FYN: variants seen among roughly 807,000 people sequenced by gnomAD.
FYN encodes the protein tyrosine-protein kinase Fyn.
In FYN, 10 loss-of-function variants were observed where a neutral mutation model predicts 70.2. The ratio of observed to expected loss-of-function variants is 0.14; its 90% CI spans 0.09 to 0.24. The LOEUF is 0.24. Ranked by LOEUF, FYN falls within the 10% of genes least tolerant of loss-of-function variation. The probability of loss-of-function intolerance (pLI) is 1.00; values close to 1 mark genes in which losing one functional copy is unlikely to be tolerated. For synonymous variants in FYN, 236 were observed against 248.6 expected (o/e 0.95, Z 0.48); for missense variants, 319 against 673.1 (o/e 0.47, Z 5.82).
intron 1 of FYN, among the ~76,000 whole-genome samples, chr6:111,848,033 A>G (rs1389472314): frequency 1.3e-5 from 2 of 152,252 alleles, no homozygotes; most frequent in African/African-American, 4.8e-5. Context: ...GGATCTAGAC[A>G]CTGCTAAGCT....
At chr6:111,801,369 T>C (rs1183367318) in intron 2 of FYN, among the ~76,000 whole-genome samples, 1 of 152,226 alleles carries the variant, frequency 6.6e-6, no homozygotes, top group Non-Finnish European at 1.5e-5. Context: ...TACATTTTAT[T>C]TAGAATTAGG....
At chr6:111,813,527 C>CT (rs1772390734) in intron 2 of FYN, among the ~76,000 whole-genome samples, 1 of 152,186 alleles carries the variant, frequency 6.6e-6, no homozygotes, top group Non-Finnish European at 1.5e-5. Flanking sequence ...TGGCCTTCAA[C>CT]TTTCACTTTA....
At chr6:111,682,636 A>G (rs1286890979) in intron 12 of FYN, among the ~76,000 whole-genome samples, 2 of 152,204 alleles carry the variant, frequency 1.3e-5, no homozygotes, top group African/African-American at 4.8e-5. Flanking sequence ...GTGACAATGC[A>G]AAGTGGTCCG....
At chr6:111,731,423 T>C (rs1166050896) in intron 3 of FYN, among the ~76,000 whole-genome samples, 1 of 152,174 alleles carries the variant, frequency 6.6e-6, no homozygotes, top group Non-Finnish European at 1.5e-5. Context: ...CACAGCCCAA[T>C]CTAAATCTAC....
intron 3 of FYN, among the ~76,000 whole-genome samples, chr6:111,750,720 T>TC (rs1417328119): frequency 1.3e-5 from 2 of 150,292 alleles, no homozygotes; most frequent in Non-Finnish European, 3.0e-5. Flanking sequence ...TCATGTCATT[T>TC]TTTTTTTTTT....
intron 3 of FYN, among the ~76,000 whole-genome samples, chr6:111,773,617 A>AGAGGGGGAGGGAGG (rs1803580726): frequency 2.1e-5 from 1 of 47,450 alleles, no homozygotes; most frequent in African/African-American, 1.0e-4. Flanking sequence ...GGGGAGGGAG[A>AGAGGGGGAGGGAGG]GAGGGGGAAA....
intron 2 of FYN, among the ~76,000 whole-genome samples, chr6:111,807,868 G>A (rs1305292960): frequency 1.3e-5 from 2 of 152,144 alleles, no homozygotes; most frequent in East Asian, 3.9e-4. Context: ...CCAGCACTTT[G>A]GGAGGCCGAG....
intron 5 of FYN, 139 bp from the exon 6 acceptor site, chr6:111,708,159 T>G (rs1353801556): frequency 1.6e-6 from 1 of 639,616 alleles, no homozygotes; most frequent in Admixed American, 2.3e-5. Flanking sequence ...TACTCTGAAC[T>G]CCAACATAGT....
At chr6:111,678,900 G>A (rs879468866) in intron 12 of FYN, among the ~76,000 whole-genome samples, 7 of 152,116 alleles carry the variant, frequency 4.6e-5, no homozygotes, top group Non-Finnish European at 8.8e-5. Flanking sequence ...GCCCGTGTCA[G>A]GTCCATTACA....
chr6:111,750,859 C>T (rs775438806), intron 3 of FYN, among the ~76,000 whole-genome samples: 30 of 152,096 alleles, frequency 2.0e-4, no homozygotes, highest in Admixed American at 8.5e-4. Context: ...AGCAAAGTCA[C>T]AGAACAATGA....
At chr6:111,709,121 C>T (rs1178676003) in intron 5 of FYN, 2 of 152,098 alleles carry the variant, frequency 1.3e-5, no homozygotes, top group African/African-American at 2.4e-5. Context: ...ATCTGATCTC[C>T]TGGGGCTCAG....
At chr6:111,783,335 A>G (rs1160998672) in intron 2 of FYN, among the ~76,000 whole-genome samples, 1 of 152,198 alleles carries the variant, frequency 6.6e-6, no homozygotes, top group Non-Finnish European at 1.5e-5. Flanking sequence ...TCCCTCCCCA[A>G]TAACCATGAC....
chr6:111,792,119 A>T (rs148036214), intron 2 of FYN, among the ~76,000 whole-genome samples: 6 of 152,356 alleles, frequency 3.9e-5, no homozygotes, highest in African/African-American at 1.2e-4. Flanking sequence ...ACATAATTGC[A>T]ATACATATAT....
chr6:111,708,053 C>T (rs764611118), intron 5 of FYN, 33 bp from the exon 6 acceptor site: 9 of 1,499,672 alleles, frequency 6.0e-6, no homozygotes, highest in Non-Finnish European at 7.4e-6. Flanking sequence ...AATATGTTGA[C>T]CATTTCAACA....
chr6:111,827,585 G>A (rs1772878650), intron 2 of FYN, among the ~76,000 whole-genome samples: 1 of 152,148 alleles, frequency 6.6e-6, no homozygotes, highest in African/African-American at 2.4e-5. Context: ...TGACCACAGT[G>A]ACACTGGGGG....
At chr6:111,795,460 T>C (rs868626368) in intron 2 of FYN, among the ~76,000 whole-genome samples, 1 of 152,218 alleles carries the variant, frequency 6.6e-6, no homozygotes, top group African/African-American at 2.4e-5. Flanking sequence ...AGCCATCCAG[T>C]CTATGATACT....
At chr6:111,854,730 A>T (rs1218756258) in intron 1 of FYN, among the ~76,000 whole-genome samples, 1 of 152,222 alleles carries the variant, frequency 6.6e-6, no homozygotes, top group Non-Finnish European at 1.5e-5. Context: ...TTTAATAAAA[A>T]ATTAAGTACC....
intron 2 of FYN, among the ~76,000 whole-genome samples, chr6:111,800,461 G>C (rs752454210): frequency 1.4e-4 from 21 of 152,086 alleles, no homozygotes; most frequent in Non-Finnish European, 2.6e-4. Context: ...ACAACTTGCC[G>C]AAGGGATATT....
chr6:111,772,759 T>A (rs1403854522), intron 3 of FYN, among the ~76,000 whole-genome samples: 1 of 140,522 alleles, frequency 7.1e-6, no homozygotes, highest in East Asian at 2.1e-4. Context: ...CTTGAACTTT[T>A]CAAAAAGTCA....
Sources: allele counts gnomAD v4.1 joint callset (sites outside exome capture counted in the v4.1 genomes callset), GRCh38; gene constraint gnomAD v4.1.1; transcripts MANE v1.5; gene names NCBI Gene and HGNC (gene_info 2026-07-23, HGNC 2026-07-21).